Variants in ST18 observed in about 807,000 individuals in gnomAD.
ST18 encodes the protein ST18 C2H2C-type zinc finger transcription factor.
In ST18, 50 loss-of-function variants were observed where a neutral mutation model predicts 110.0. That is an observed-to-expected ratio of 0.45 (90% confidence interval 0.36 to 0.58). The LOEUF (loss-of-function observed/expected upper bound fraction) is 0.58. Among genes scored for constraint, ST18 ranks in the 20% least tolerant of loss-of-function variants. The pLI is 0.00. For missense variants in ST18, 1,306 were observed against 1,280.1 expected, an observed-to-expected ratio of 1.02 and a Z score of -0.31; for synonymous variants, 461 against 452.4, an observed-to-expected ratio of 1.02 and a Z score of -0.24.
In ST18 at chr8:52,142,920, C is replaced by A. The variant is rs768131549; in HGVS notation, c.2168+10G>T. ...GAATCTTAGAGGGCATGGCATTGGG[C>A]ACCACTTACGTGATTAGTTCCTTTT... On this transcript the variant is annotated intron_variant, in intron 17 of 25. Coordinates refer to ENST00000689386, the MANE Select transcript of ST18 (RefSeq NM_001352837.2). The A allele has an allele frequency of 2.5e-6, 4 of 1,583,732 alleles. No homozygotes were observed. The highest frequency in any genetic ancestry group is 3.5e-6 in the Non-Finnish European group (4 of 1,152,978).
chr8:52,202,322 A>G lies in ST18; in HGVS notation c.86+9757T>C, dbSNP rs1338943121. On this transcript the variant is annotated intron_variant, in intron 8 of 25. Transcript: ENST00000689386. ...TAAAATAAAATATTTCTCTAGTAAC[A>G]TCATGTACGAGGCCTACACTGGTAA... 2.6e-5 allele frequency among the ~76,000 whole-genome samples: 4 copies of G among 152,220 alleles called. No homozygotes were observed. The East Asian group carries it at 7.7e-4, about 29-fold the overall frequency.
chr8:52,126,360 G>T (rs76648139), intron 22 of ST18, among the ~76,000 whole-genome samples: 1 of 152,106 alleles, frequency 6.6e-6, no homozygotes, highest in Non-Finnish European at 1.5e-5. Context: ...TTAAATCAAG[G>T]TACAAATAGT....
At chr8:52,182,135 TA>T (rs2069949275) in intron 8 of ST18, among the ~76,000 whole-genome samples, 1 of 152,202 alleles carries the variant, frequency 6.6e-6, no homozygotes, top group African/African-American at 2.4e-5. Flanking sequence ...ATTCAGATAT[TA>T]AAGCAGGGAA....
At chr8:52,229,347 A>G (rs2090602878) in intron 3 of ST18, among the ~76,000 whole-genome samples, 3 of 152,204 alleles carry the variant, frequency 2.0e-5, no homozygotes, top group Non-Finnish European at 2.9e-5. Flanking sequence ...TCCATTCTGG[A>G]GGCTCCAAGG....
chr8:52,379,656 T>A (rs569680151), intron 2 of ST18, among the ~76,000 whole-genome samples: 2 of 152,264 alleles, frequency 1.3e-5, no homozygotes, highest in South Asian at 4.1e-4. Context: ...TATTAATATA[T>A]GTAGATACTA....
At chr8:52,135,406 C>CA (rs2051629727) in intron 19 of ST18, among the ~76,000 whole-genome samples, 1 of 151,320 alleles carries the variant, frequency 6.6e-6, no homozygotes, top group Non-Finnish European at 1.5e-5. Flanking sequence ...ACTAAAAATA[C>CA]AAAAAGCACT....
intron 10 of ST18, 101 bp downstream of exon 10, chr8:52,171,691 A>T: frequency 8.0e-7 from 1 of 1,254,506 alleles, no homozygotes; most frequent in African/African-American, 1.5e-5. Context: ...AAGTTGCATT[A>T]AACTGTTAAA....
intron 2 of ST18, among the ~76,000 whole-genome samples, chr8:52,278,298 A>T (rs969632060): frequency 6.6e-6 from 1 of 152,254 alleles, no homozygotes; most frequent in African/African-American, 2.4e-5. Flanking sequence ...GCTGGGCAAT[A>T]TGGAGAGTCA....
intron 8 of ST18, among the ~76,000 whole-genome samples, chr8:52,192,246 C>A (rs1450124783): frequency 6.6e-6 from 1 of 152,146 alleles, no homozygotes; most frequent in Admixed American, 6.5e-5. Context: ...TGGAAGAAAC[C>A]AACCAACCAC....
At chr8:52,138,439 C>T (rs993363840) in intron 17 of ST18, among the ~76,000 whole-genome samples, 1 of 152,132 alleles carries the variant, frequency 6.6e-6, no homozygotes, top group African/African-American at 2.4e-5. Flanking sequence ...GTCCTGTCCA[C>T]CTTATGTGTG....
At chr8:52,240,371 C>T (rs2093276348) in intron 2 of ST18, among the ~76,000 whole-genome samples, 2 of 152,122 alleles carry the variant, frequency 1.3e-5, no homozygotes, top group South Asian at 2.1e-4. Context: ...AATTTTGCTA[C>T]CTTATTATAC....
chr8:52,292,028 A>G (rs1332346682), intron 2 of ST18, among the ~76,000 whole-genome samples: 4 of 151,888 alleles, frequency 2.6e-5, no homozygotes, highest in African/African-American at 9.7e-5. Context: ...GCCCACCTCA[A>G]CCTCCCAAAG....
At chr8:52,385,816 A>C (rs1441789216) in intron 2 of ST18, among the ~76,000 whole-genome samples, 1 of 152,096 alleles carries the variant, frequency 6.6e-6, no homozygotes, top group Non-Finnish European at 1.5e-5. Context: ...TAAAAGAGAG[A>C]ACAGCTGATG....
intron 17 of ST18, among the ~76,000 whole-genome samples, chr8:52,141,277 GCC>G (rs1222585334): frequency 6.6e-6 from 1 of 152,170 alleles, no homozygotes; most frequent in Non-Finnish European, 1.5e-5. Context: ...TATGTGCAAG[GCC>G]CTGTTCTTGG....
At chr8:52,291,396 A>G (rs2095554072) in intron 2 of ST18, among the ~76,000 whole-genome samples, 1 of 152,214 alleles carries the variant, frequency 6.6e-6, no homozygotes, top group Admixed American at 6.5e-5. Context: ...ATTTACTTTG[A>G]AAAAGTAAAA....
At chr8:52,405,163 A>G (rs1844036774) in intron 2 of ST18, 1 of 152,250 alleles carries the variant, frequency 6.6e-6, no homozygotes, top group Admixed American at 6.5e-5. Context: ...ACATATTAGC[A>G]TTGCACAGAA....
At chr8:52,265,203 A>G (rs989241574) in intron 2 of ST18, among the ~76,000 whole-genome samples, 1 of 152,222 alleles carries the variant, frequency 6.6e-6, no homozygotes, top group Non-Finnish European at 1.5e-5. Context: ...CCCTAAGGAG[A>G]TAGAGCAGGA....
chr8:52,390,902 G>C (rs911758213), intron 2 of ST18, among the ~76,000 whole-genome samples: 1 of 152,170 alleles, frequency 6.6e-6, no homozygotes, highest in Non-Finnish European at 1.5e-5. Flanking sequence ...GAGGCCACTT[G>C]GTAAAACAGG....
intron 16 of ST18, among the ~76,000 whole-genome samples, chr8:52,148,233 C>T (rs554611047): frequency 6.6e-6 from 1 of 151,768 alleles, no homozygotes; most frequent in South Asian, 2.1e-4. Flanking sequence ...TAAAATAGTA[C>T]TATGATAGAT....
Sources: gnomAD v4.1 joint callset for allele counts (sites outside exome capture counted in the v4.1 genomes callset) on GRCh38, gnomAD v4.1.1 for gene constraint, MANE v1.5 for transcripts, NCBI Gene and HGNC (gene_info 2026-07-23, HGNC 2026-07-21) for gene names.